The following STRN variants were observed in gnomAD, a reference collection of about 807,000 sequenced individuals.
The protein encoded by STRN is striatin.
Under a neutral mutation model 96.3 loss-of-function variants are expected in STRN, and 53 were observed. That is an observed-to-expected ratio of 0.55 (90% CI 0.44 to 0.69). The LOEUF is 0.69. Among genes scored for constraint, STRN ranks in the 30% least tolerant of loss-of-function variants. The probability of loss-of-function intolerance (pLI) is 0.00; values close to 1 mark genes in which losing one functional copy is unlikely to be tolerated. For synonymous variants in STRN, 428 were observed against 355.9 expected, an observed-to-expected ratio of 1.20 and a Z score of -2.28; for missense variants, 987 against 963.9, an observed-to-expected ratio of 1.02 and a Z score of -0.32.
At chr2:36,909,563 C>T (rs1277453640) in intron 3 of STRN, among the ~76,000 whole-genome samples, 3 of 152,078 alleles carry the variant, frequency 2.0e-5, no homozygotes, top group Non-Finnish European at 4.4e-5. Context: ...TTATCCCAGA[C>T]ACCACCTAGA....
At chr2:36,957,759 T>TTG in intron 1 of STRN, among the ~76,000 whole-genome samples, 2 of 114,582 alleles carry the variant, frequency 1.7e-5, no homozygotes, top group African/African-American at 3.2e-5. Context: ...TTTTTTTTTT[T>TTG]TTTTTTTTTT....
chr2:36,875,781 T>C (rs1181421092), intron 10 of STRN, among the ~76,000 whole-genome samples: 4 of 151,510 alleles, frequency 2.6e-5, no homozygotes, highest in Non-Finnish European at 4.4e-5. Context: ...CTCAGCCTTA[T>C]GAGTAGCTGG....
intron 7 of STRN, among the ~76,000 whole-genome samples, chr2:36,888,425 C>A (rs1026350465): frequency 6.6e-6 from 1 of 152,154 alleles, no homozygotes; most frequent in Non-Finnish European, 1.5e-5. Flanking sequence ...ACTACATTCT[C>A]CCTAGAATCA....
At chr2:36,858,104 AAAC>A (rs1192237323) in intron 13 of STRN, 81 bp from the exon 14 acceptor site, 3 of 1,154,652 alleles carry the variant, frequency 2.6e-6, no homozygotes, top group Non-Finnish European at 3.7e-6. Context: ...TAAAATATAT[AAAC>A]AATAGCACCT....
intron 7 of STRN, among the ~76,000 whole-genome samples, chr2:36,888,530 G>C (rs933258863): frequency 6.6e-6 from 1 of 151,976 alleles, no homozygotes; most frequent in African/African-American, 2.4e-5. Context: ...TCTTCTTCCT[G>C]AACACTTCTT....
At chr2:36,966,080 GAGA>G (rs1056891873) in intron 1 of STRN, 147 bp downstream of exon 1, 21 of 880,768 alleles carry the variant, frequency 2.4e-5, no homozygotes, top group South Asian at 4.2e-5. Context: ...AAAAGGCGAA[GAGA>G]AGAAGGGGAC....
At chr2:36,893,781 TA>T in intron 7 of STRN, 116 bp downstream of exon 7, 1 of 1,277,726 alleles carries the variant, frequency 7.8e-7, no homozygotes, top group Non-Finnish European at 1.1e-6. Flanking sequence ...CTAGTAGTAA[TA>T]AGTTCACAGA....
chr2:36,965,273 G>C (rs998454307), intron 1 of STRN, among the ~76,000 whole-genome samples: 2 of 152,182 alleles, frequency 1.3e-5, no homozygotes, highest in African/African-American at 2.4e-5. Context: ...AGTTCTTTAA[G>C]TTCCTTTTGA....
At chr2:36,887,472 A>G (rs1271367821) in intron 7 of STRN, among the ~76,000 whole-genome samples, 1 of 151,444 alleles carries the variant, frequency 6.6e-6, no homozygotes, top group African/African-American at 2.4e-5. Flanking sequence ...CTCTGTCTCA[A>G]AAAAAAACAA....
At chr2:36,912,392 T>G (rs28754306) in intron 3 of STRN, among the ~76,000 whole-genome samples, 5 of 152,074 alleles carry the variant, frequency 3.3e-5, no homozygotes, top group African/African-American at 1.2e-4. Flanking sequence ...CCTCTCTCCT[T>G]AAGTTCTCAG....
At position 36,920,165 on chromosome 2, in the gene STRN, G is replaced by T. The variant is rs187988470; in HGVS notation, c.339-4014C>A. The stretch of plus-strand genomic sequence containing the variant: ...AAAAACATTAACTGTTAAAACTTGG[G>T]GCTGTATATAAAAGACATTAGTTTC... On this transcript the variant is annotated intron_variant, in intron 2 of 17. Coordinates refer to ENST00000263918, the MANE Select transcript of STRN (RefSeq NM_003162.4). Among the ~76,000 whole-genome samples the T allele has an allele frequency of 9.2e-5, 14 of 151,924 alleles. No homozygotes were observed. In the East Asian group the frequency reaches 2.7e-3, roughly 29 times the overall value.
chr2:36,909,903 TGGCTCA>T (rs1669919593), intron 3 of STRN, among the ~76,000 whole-genome samples: 1 of 152,168 alleles, frequency 6.6e-6, no homozygotes, highest in South Asian at 2.1e-4. Flanking sequence ...CCGGGCGCAG[TGGCTCA>T]CGCCTGTAAT....
At chr2:36,930,972 G>A (rs1402278296) in intron 1 of STRN, among the ~76,000 whole-genome samples, 3 of 152,092 alleles carry the variant, frequency 2.0e-5, no homozygotes, top group African/African-American at 7.2e-5. Context: ...GGTAGAGGTT[G>A]TGGTGAGTCG....
At position 36,845,651 on chromosome 2, in the gene STRN, T is replaced by C. The variant is rs768613566; in HGVS notation, c.*3805A>G. 1 of 152,160 alleles carries C rather than the reference T, an allele frequency of 6.6e-6. No homozygotes were observed. Among genetic ancestry groups the C allele is most frequent in the African/African-American group, 2.4e-5 (1 of 41,446 alleles). 9.4% of individuals were successfully genotyped at this position (152,160 alleles called of 1,614,324 possible). On this transcript the variant is annotated 3_prime_UTR_variant, in exon 18 of 18. Transcript: ENST00000263918. ...CTTAGCCAACATTAATGAGATCCCA[T>C]AATTTTGGTGAACAAATAATTTCTC...
intron 3 of STRN, among the ~76,000 whole-genome samples, chr2:36,914,960 G>T (rs1173061713): frequency 6.6e-6 from 1 of 151,946 alleles, no homozygotes; most frequent in African/African-American, 2.4e-5. Flanking sequence ...ACTTTGGGAG[G>T]CCGAGGGGGG....
intron 1 of STRN, among the ~76,000 whole-genome samples, chr2:36,928,873 A>G (rs1419923186): frequency 3.3e-5 from 5 of 150,306 alleles, no homozygotes; most frequent in African/African-American, 7.4e-5. Context: ...GCTTGAACCC[A>G]GGAGGCAGAG....
chr2:36,930,790 T>C (rs930465213), intron 1 of STRN, among the ~76,000 whole-genome samples: 4 of 152,102 alleles, frequency 2.6e-5, no homozygotes, highest in Non-Finnish European at 5.9e-5. Context: ...CCTAGCACTT[T>C]GGGAGGCCGA....
rs931216695 is a variant in STRN, at chr2:36,842,761, T to A, written c.*6695A>T. Among the ~76,000 whole-genome samples, 5 of 152,190 alleles carry A rather than the reference T, an allele frequency of 3.3e-5. No homozygotes were observed. The highest frequency in any genetic ancestry group is 1.2e-4 in the African/African-American group (5 of 41,448). ...CATTTGATATACAAAACTTACTGAG[T>A]TAAAATTTGTGTTTCAGAAAACGGA... On this transcript the variant is annotated 3_prime_UTR_variant, in exon 18 of 18. Coordinates refer to ENST00000263918, the MANE Select transcript of STRN (RefSeq NM_003162.4).
At chr2:36,910,489 T>C (rs1028410935) in intron 3 of STRN, among the ~76,000 whole-genome samples, 3 of 152,180 alleles carry the variant, frequency 2.0e-5, no homozygotes, top group African/African-American at 4.8e-5. Context: ...TACACTATTA[T>C]AAGGTTATTG....
Sources: gnomAD v4.1 joint callset for allele counts (sites outside exome capture counted in the v4.1 genomes callset) on GRCh38, gnomAD v4.1.1 for gene constraint, MANE v1.5 for transcripts, NCBI Gene and HGNC (gene_info 2026-07-23, HGNC 2026-07-21) for gene names.